Variants in GPC6 observed in about 807,000 individuals in gnomAD.
The protein encoded by GPC6 is glypican-6.
Under a neutral mutation model 55.2 loss-of-function variants are expected in GPC6, and 14 were observed. The observed-to-expected ratio is 0.25, with a 90% CI of 0.17 to 0.40. The LOEUF is 0.40. GPC6 is among the 10% of genes least tolerant of loss of function. The pLI is 1.00. For synonymous variants in GPC6, 278 were observed against 259.6 expected (o/e 1.07, Z -0.68); for missense variants, 641 against 708.5 (o/e 0.90, Z 1.08).
intron 2 of GPC6, among the ~76,000 whole-genome samples, chr13:93,763,279 C>T (rs1456396451): frequency 6.6e-6 from 1 of 152,194 alleles, no homozygotes; most frequent in African/African-American, 2.4e-5. Flanking sequence ...TTGCCATGAT[C>T]AGCTGGACTC....
chr13:93,242,625 TG>T (rs1876472108), intron 1 of GPC6, among the ~76,000 whole-genome samples: 1 of 152,144 alleles, frequency 6.6e-6, no homozygotes, highest in East Asian at 1.9e-4. Flanking sequence ...GCTCGACCGC[TG>T]GGGAAGAATT....
At chr13:93,902,954 A>G (rs1314729492) in intron 3 of GPC6, among the ~76,000 whole-genome samples, 3 of 152,214 alleles carry the variant, frequency 2.0e-5, no homozygotes, top group Non-Finnish European at 4.4e-5. Context: ...GGTTTCAACA[A>G]AAGTGCCAAG....
chr13:93,929,151 C>T (rs565760121), intron 3 of GPC6, among the ~76,000 whole-genome samples: 15 of 152,214 alleles, frequency 9.9e-5, no homozygotes, highest in Non-Finnish European at 1.8e-4. Flanking sequence ...TCATACCTGG[C>T]CCTTTCACTG....
chr13:94,121,851 AC>A (rs1351920983), intron 4 of GPC6, among the ~76,000 whole-genome samples: 1 of 152,090 alleles, frequency 6.6e-6, no homozygotes, highest in Non-Finnish European at 1.5e-5. Context: ...AAGATTCTTC[AC>A]ACTCAGTAAT....
intron 6 of GPC6, among the ~76,000 whole-genome samples, chr13:94,381,344 C>T (rs890089127): frequency 5.9e-5 from 9 of 152,128 alleles, no homozygotes; most frequent in African/African-American, 1.7e-4. Flanking sequence ...ATCAAGGTGT[C>T]GGCGGGGTTG....
chr13:94,053,061 G>T (rs1884008865), intron 4 of GPC6, among the ~76,000 whole-genome samples: 1 of 152,156 alleles, frequency 6.6e-6, no homozygotes, highest in African/African-American at 2.4e-5. Context: ...TTTTAGAGGA[G>T]CTAAAATCAG....
chr13:93,340,603 G>C (rs1461543792), intron 1 of GPC6, among the ~76,000 whole-genome samples: 1 of 152,120 alleles, frequency 6.6e-6, no homozygotes, highest in African/African-American at 2.4e-5. Flanking sequence ...TCAGCTGATG[G>C]AAGGAAGCAC....
chr13:93,296,957 A>G (rs1878516598), intron 1 of GPC6, among the ~76,000 whole-genome samples: 1 of 152,162 alleles, frequency 6.6e-6, no homozygotes, highest in East Asian at 1.9e-4. Context: ...CAGGGTCAGA[A>G]ATCCACTTGA....
intron 4 of GPC6, among the ~76,000 whole-genome samples, chr13:94,271,012 C>T (rs1379027887): frequency 2.6e-5 from 3 of 113,708 alleles, no homozygotes; most frequent in Admixed American, 1.2e-4. Flanking sequence ...TTTTCTGAGA[C>T]GGAGTCTCGC....
chr13:94,272,601 T>C (rs918586336), intron 4 of GPC6, among the ~76,000 whole-genome samples: 4 of 151,428 alleles, frequency 2.6e-5, no homozygotes, highest in Non-Finnish European at 5.9e-5. Context: ...CCCAAGTAGC[T>C]GGGACCACAG....
At chr13:93,693,583 A>G (rs1260704151) in intron 2 of GPC6, among the ~76,000 whole-genome samples, 1 of 151,582 alleles carries the variant, frequency 6.6e-6, no homozygotes, top group African/African-American at 2.4e-5. Context: ...GGCGCAAGCA[A>G]TCCTCCCACC....
chr13:94,092,544 T>G (rs779408914), intron 4 of GPC6, among the ~76,000 whole-genome samples: 15 of 152,262 alleles, frequency 9.9e-5, no homozygotes, highest in South Asian at 2.1e-4. Flanking sequence ...TGATGGATAC[T>G]TAGATTGATT....
At chr13:93,283,909 G>A (rs1397215569) in intron 1 of GPC6, among the ~76,000 whole-genome samples, 2 of 152,074 alleles carry the variant, frequency 1.3e-5, no homozygotes, top group Non-Finnish European at 2.9e-5. Context: ...CAGCAAACAG[G>A]TTACAGAAAG....
intron 2 of GPC6, among the ~76,000 whole-genome samples, chr13:93,612,543 A>ACACACACACACACACACACACACAC: frequency 6.7e-6 from 1 of 148,542 alleles, no homozygotes; most frequent in Non-Finnish European, 1.5e-5. Context: ...ACACACACAC[A>ACACACACACACACACACACACACAC]AACTTCATGT....
intron 3 of GPC6, among the ~76,000 whole-genome samples, chr13:93,980,486 A>G (rs979812178): frequency 6.6e-6 from 1 of 152,154 alleles, no homozygotes; most frequent in African/African-American, 2.4e-5. Context: ...TATTCTCTGC[A>G]TTGGAAATAG....
At chr13:93,836,241 A>G (rs937595687) in intron 3 of GPC6, 8 of 152,246 alleles carry the variant, frequency 5.3e-5, no homozygotes, top group African/African-American at 1.9e-4. Context: ...GAGGTTATCA[A>G]ATGCCTCTGT....
intron 2 of GPC6, among the ~76,000 whole-genome samples, chr13:93,803,351 C>T (rs1411508): frequency 0.01 from 1,570 of 152,054 alleles, 27 homozygotes; most frequent in African/African-American, 0.036. Flanking sequence ...GTTATCTTAT[C>T]CAGTAAAAAA....
the GPC6 span, among the ~76,000 whole-genome samples, chr13:93,216,539 T>G: frequency 2.6e-5 from 4 of 151,348 alleles, no homozygotes; most frequent in African/African-American, 9.7e-5. Flanking sequence ...ACACACACTC[T>G]TGTGTGTGCA....
chr13:94,390,501 G>A (rs1301501020), intron 7 of GPC6, among the ~76,000 whole-genome samples: 2 of 152,178 alleles, frequency 1.3e-5, no homozygotes, highest in East Asian at 1.9e-4. Flanking sequence ...GGTGGAAGGC[G>A]AAGGGAAAGC....
Sources: gnomAD v4.1 joint callset for allele counts (sites outside exome capture counted in the v4.1 genomes callset) on GRCh38, gnomAD v4.1.1 for gene constraint, MANE v1.5 for transcripts, NCBI Gene and HGNC (gene_info 2026-07-23, HGNC 2026-07-21) for gene names.